The following NFASC variants were observed in gnomAD, a reference collection of about 807,000 sequenced individuals.
The protein encoded by NFASC is neurofascin homolog.
A neutral mutation model predicts 147.5 loss-of-function variants in NFASC; 43 were observed. That is an observed-to-expected ratio of 0.29 (90% CI 0.23 to 0.38). The LOEUF (loss-of-function observed/expected upper bound fraction) is 0.38. Among genes scored for constraint, NFASC ranks in the 10% least tolerant of loss-of-function variants. The pLI, the probability that NFASC is intolerant of heterozygous loss-of-function variation, is 1.00. For missense variants in NFASC, 1,320 were observed against 1,689.0 expected, an observed-to-expected ratio of 0.78 and a Z score of 3.83; for synonymous variants, 622 against 665.5, an observed-to-expected ratio of 0.93 and a Z score of 1.01.
At chr1:204,928,326 C>T (rs1573184305) in intron 2 of NFASC, among the ~76,000 whole-genome samples, 1 of 152,148 alleles carries the variant, frequency 6.6e-6, no homozygotes, top group East Asian at 1.9e-4. Context: ...GAGGAAAAAC[C>T]CCACAGCCCC....
At position 204,939,038 on chromosome 1, in the gene NFASC, A is replaced by ATGGATGTGTGTGTGTG. The variant is rs1553266033; in HGVS notation, c.-90-5186_-90-5185insGATGTGTGTGTGTGTG. Among the ~76,000 whole-genome samples the ATGGATGTGTGTGTGTG allele has an allele frequency of 4.4e-3, 547 of 123,700 alleles. 5 individuals are homozygous for ATGGATGTGTGTGTGTG. Among genetic ancestry groups the ATGGATGTGTGTGTGTG allele is most frequent in the South Asian group, 8.6e-3 (29 of 3,390 alleles). 81.2% of individuals were successfully genotyped at this position (123,700 alleles called of 152,430 possible). A position where few individuals can be genotyped will look rare whatever the true frequency, so the allele number is the denominator to read the frequency against. ...TTCTCTTTTCTTCCTGTATGGATGG[A>ATGGATGTGTGTGTGTG]TGTGTGTGTGTGTGTGTGTGTGTGT... On this transcript the variant is annotated intron_variant, in intron 2 of 29. Coordinates refer to ENST00000339876, the MANE Select transcript of NFASC (RefSeq NM_001005388.3).
chr1:205,013,715 C>T (rs10494857), intron 29 of NFASC, among the ~76,000 whole-genome samples: 6,972 of 152,196 alleles, frequency 0.046, 304 homozygotes, highest in African/African-American at 0.11. Flanking sequence ...ATTCCCAGAC[C>T]AAGTGCTATG....
At chr1:204,920,447 T>TTTC (rs1553254801) in intron 1 of NFASC, among the ~76,000 whole-genome samples, 185 bp from the exon 2 acceptor site, 4 of 140,930 alleles carry the variant, frequency 2.8e-5, no homozygotes, top group Admixed American at 7.2e-5. Context: ...TTTTTTTTTT[T>TTTC]CTTCCAGAGT....
intron 24 of NFASC, among the ~76,000 whole-genome samples, chr1:204,995,798 A>T (rs1353951404): frequency 2.0e-5 from 3 of 151,924 alleles, no homozygotes; most frequent in Non-Finnish European, 4.4e-5. Context: ...CTCTCCCTTA[A>T]AAAAAGCTCT....
chr1:204,932,489 T>A (rs55920899), intron 2 of NFASC, among the ~76,000 whole-genome samples: 3,107 of 151,916 alleles, frequency 0.02, 74 homozygotes, highest in African/African-American at 0.055. Context: ...AGAATTTCAC[T>A]AAGATTGACA....
intron 1 of NFASC, among the ~76,000 whole-genome samples, chr1:204,907,944 ATGTG>A (rs58491017): frequency 4.4e-4 from 67 of 150,682 alleles, no homozygotes; most frequent in African/African-American, 1.0e-3. Flanking sequence ...ATGAGAATAA[ATGTG>A]TGTGTGTGTG....
rs1279634678 is a variant in NFASC, at chr1:205,019,204, T to C, written c.*2665T>C. ...CCCCTTTGGGGAAGAGGAGGGTGCATTTTCCATGGAGCCCATGTCAGAGTC... is the reference window on the plus strand; with the variant it reads ...CCCCTTTGGGGAAGAGGAGGGTGCACTTTCCATGGAGCCCATGTCAGAGTC... On this transcript the variant is annotated 3_prime_UTR_variant, in exon 30 of 30. Transcript: ENST00000339876. The C allele has an allele frequency of 6.6e-6, 1 of 152,200 alleles. No homozygotes were observed. Among genetic ancestry groups the C allele is most frequent in the African/African-American group, 2.4e-5 (1 of 41,410 alleles). 9.4% of individuals were successfully genotyped at this position (152,200 alleles called of 1,614,324 possible).
chr1:204,902,313 G>C (rs1243098269), intron 1 of NFASC, among the ~76,000 whole-genome samples: 1 of 152,000 alleles, frequency 6.6e-6, no homozygotes, highest in African/African-American at 2.4e-5. Flanking sequence ...AAAAGAGGGA[G>C]GCAGAACTTA....
chr1:204,865,259 G>A (rs1000312283), intron 1 of NFASC, among the ~76,000 whole-genome samples: 2 of 152,208 alleles, frequency 1.3e-5, no homozygotes, highest in South Asian at 4.1e-4. Context: ...ATTAGGCACA[G>A]TAACAGATTA....
intron 1 of NFASC, among the ~76,000 whole-genome samples, chr1:204,882,767 A>T (rs769862820): frequency 1.3e-5 from 2 of 152,162 alleles, no homozygotes; most frequent in African/African-American, 4.8e-5. Context: ...AATGTTTACC[A>T]TGTGCTTTTC....
At chr1:204,936,115 C>T (rs2092800858) in intron 2 of NFASC, among the ~76,000 whole-genome samples, 2 of 151,368 alleles carry the variant, frequency 1.3e-5, no homozygotes, top group Non-Finnish European at 3.0e-5. Context: ...AAGAAGGCCC[C>T]TGAGTCATTT....
chr1:204,984,162 A>T (rs199827996), intron 21 of NFASC: 2 of 1,534,630 alleles, frequency 1.3e-6, no homozygotes, highest in East Asian at 4.5e-5. Flanking sequence ...CCAGCTCCGG[A>T]CTCACCTAAC....
chr1:205,012,962 C>G, intron 29 of NFASC, 96 bp downstream of exon 29: 6 of 858,042 alleles, frequency 7.0e-6, no homozygotes, highest in Non-Finnish European at 1.2e-5. Context: ...GCTGAGAGGC[C>G]ATGAGTAGCT....
intron 1 of NFASC, among the ~76,000 whole-genome samples, chr1:204,844,281 A>G (rs1314725151): frequency 6.6e-6 from 1 of 152,216 alleles, no homozygotes; most frequent in Non-Finnish European, 1.5e-5. Context: ...TAAGTAATGC[A>G]CATGAACCCC....
At chr1:204,850,642 C>T (rs865834365) in intron 1 of NFASC, among the ~76,000 whole-genome samples, 78 of 152,338 alleles carry the variant, frequency 5.1e-4, no homozygotes, top group Middle Eastern at 6.8e-3. Flanking sequence ...CTCCTTTGTG[C>T]GCTCTGTCTC....
intron 1 of NFASC, among the ~76,000 whole-genome samples, chr1:204,884,790 C>T (rs2080981418): frequency 1.3e-5 from 2 of 152,128 alleles, no homozygotes; most frequent in Non-Finnish European, 1.5e-5. Context: ...ACCATCACCA[C>T]GTGATGGCTG....
Position 204,893,228 on chromosome 1 carries a change from G to GA in NFASC, c.-199-27404_-199-27403insA, listed in dbSNP as rs558798107. 7.7e-4 allele frequency among the ~76,000 whole-genome samples: 118 copies of GA among 152,308 alleles called. 1 individual carries two copies. The highest frequency in any genetic ancestry group is 5.0e-3 in the South Asian group (24 of 4,822). On this transcript the variant is annotated intron_variant, in intron 1 of 29. Transcript: ENST00000339876. ...GTAAGGAGGAAGAGAAGATTTGGTAGGATGATCATGGGTCTGGTCTTAAAT... is the reference window on the plus strand; with the variant it reads ...GTAAGGAGGAAGAGAAGATTTGGTAGAGATGATCATGGGTCTGGTCTTAAAT...
chr1:204,927,792 C>T (rs1010450235), intron 2 of NFASC, among the ~76,000 whole-genome samples: 2 of 152,160 alleles, frequency 1.3e-5, no homozygotes, highest in African/African-American at 4.8e-5. Context: ...CCCACGCCTT[C>T]TCCACCCACT....
At chr1:204,981,720 C>A in intron 20 of NFASC, 78 bp from the exon 21 acceptor site, 1 of 949,254 alleles carries the variant, frequency 1.1e-6, no homozygotes, top group Non-Finnish European at 1.6e-6. Flanking sequence ...ATGCCTGGCA[C>A]AGCAAGAGAG....
Sources: gnomAD v4.1 joint callset for allele counts (sites outside exome capture counted in the v4.1 genomes callset) on GRCh38, gnomAD v4.1.1 for gene constraint, MANE v1.5 for transcripts, NCBI Gene and HGNC (gene_info 2026-07-23, HGNC 2026-07-21) for gene names.